The following TMPRSS6 variants were observed in gnomAD, a reference collection of about 807,000 sequenced individuals.
TMPRSS6 encodes transmembrane protease serine 6.
Under a neutral mutation model 101.5 loss-of-function variants are expected in TMPRSS6, and 67 were observed. That is an observed-to-expected ratio of 0.66 (90% CI 0.54 to 0.81). TMPRSS6 has a LOEUF of 0.81. Among genes scored for constraint, TMPRSS6 ranks in the 30% least tolerant of loss-of-function variants. The pLI is 0.00. For synonymous variants in TMPRSS6, 453 were observed against 464.9 expected, an observed-to-expected ratio of 0.97 and a Z score of 0.33; for missense variants, 1,034 against 1,088.7, an observed-to-expected ratio of 0.95 and a Z score of 0.71.
intron 10 of TMPRSS6, among the ~76,000 whole-genome samples, chr22:37,081,078 G>A (rs1326028674): frequency 1.3e-5 from 2 of 152,232 alleles, no homozygotes; most frequent in Non-Finnish European, 2.9e-5. Flanking sequence ...CTGTGTCTTG[G>A]GTGTCTCACT....
intron 10 of TMPRSS6, among the ~76,000 whole-genome samples, chr22:37,078,999 A>AAG (rs1369124148): frequency 6.7e-6 from 1 of 149,368 alleles, no homozygotes; most frequent in African/African-American, 2.5e-5. Flanking sequence ...GAAAGAAAGA[A>AAG]AGAAAGAAAG....
At position 37,069,459 on chromosome 22, in the gene TMPRSS6, C is replaced by T; in HGVS notation, c.1842-115G>A. On this transcript the variant is annotated intron_variant, in intron 15 of 17. Transcript: ENST00000676104. The surrounding 1 kb of genome is among the most constrained non-coding windows in gnomAD (Gnocchi z 4.8). ...TCCCCGCCCGGGACAGTGCCCTCCACACCCAGCCCTCCCTTCCCTCCCTGA... is the reference window on the plus strand; with the variant it reads ...TCCCCGCCCGGGACAGTGCCCTCCATACCCAGCCCTCCCTTCCCTCCCTGA... 9.7e-7 allele frequency: 1 copy of T among 1,032,180 alleles called. No homozygotes were observed. Among genetic ancestry groups the T allele is most frequent in the South Asian group, 1.6e-5 (1 of 64,442 alleles). 63.9% of individuals were successfully genotyped at this position (1,032,180 alleles called of 1,614,324 possible).
In TMPRSS6 at chr22:37,065,923, G is replaced by A. The variant is rs1186673626; in HGVS notation, c.*157C>T. 2 of 937,432 alleles carry A rather than the reference G, an allele frequency of 2.1e-6. No homozygotes were observed. The highest frequency in any genetic ancestry group is 1.6e-6 in the Non-Finnish European group (1 of 617,922). The allele number at this position is 937,432 out of a possible 1,614,324, so 58.1% of individuals were successfully genotyped here. A position where few individuals can be genotyped will look rare whatever the true frequency, so the allele number is the denominator to read the frequency against. ...CTTCTCCATCCTCCTGCCATCACTG[G>A]AGCAGACATCAGGGACGAGACAAGA... On this transcript the variant is annotated 3_prime_UTR_variant, in exon 18 of 18. Transcript: ENST00000676104.
intron 1 of TMPRSS6, among the ~76,000 whole-genome samples, chr22:37,104,331 C>T (rs1035122166): frequency 9.9e-5 from 15 of 152,166 alleles, no homozygotes; most frequent in Non-Finnish European, 1.8e-4. Flanking sequence ...AGAGGCTAAG[C>T]CGCTTGCCCA....
chr22:37,080,816 C>A (rs1386110043), intron 10 of TMPRSS6, among the ~76,000 whole-genome samples: 10 of 152,248 alleles, frequency 6.6e-5, no homozygotes, highest in Admixed American at 6.5e-4. Context: ...TCCCCCCACC[C>A]AGATGCCAGT....
rs371892689 is a variant in TMPRSS6 at position 37,072,412 on chromosome 22, GGAT to G, written c.1555+1117_1555+1119del. ...ATGGATCGATGGATGATGGATGGAT[GGAT>G]GATGGATTGATGGATTGATGGATGA... On this transcript the variant is annotated intron_variant, in intron 13 of 17. Coordinates refer to ENST00000676104, the MANE Select transcript of TMPRSS6 (RefSeq NM_001374504.1). 9.4e-5 allele frequency among the ~76,000 whole-genome samples: 14 copies of G among 148,574 alleles called. No homozygotes were observed. In the East Asian group the frequency reaches 2.5e-3, roughly 27 times the overall value.
chr22:37,099,877 G>GTAGGGCTTTCCAGGCCTGGGAGGAC (rs140612996), intron 2 of TMPRSS6, among the ~76,000 whole-genome samples: 26,155 of 151,828 alleles, frequency 0.17, 2,572 homozygotes, highest in Non-Finnish European at 0.22. Flanking sequence ...GAGAGGCTGG[G>GTAGGGCTTTCCAGGCCTGGGAGGAC]TAGGGCTTTC....
Position 37,084,610 on chromosome 22 carries a change from CT to C in TMPRSS6, c.1086+116del, listed in dbSNP as rs1928545877. The C allele has an allele frequency of 7.3e-6, 7 of 962,942 alleles. No homozygotes were observed. In the South Asian group the frequency reaches 7.4e-5, roughly 10 times the overall value. The allele number at this position is 962,942 out of a possible 1,614,324, so 59.6% of individuals were successfully genotyped here. ...ACCCTGGCAGGATGTGTACCCAGGG[CT>C]CAGCCTGTGGGCGCTTCAGCAGAGG... On this transcript the variant is annotated intron_variant, in intron 9 of 17. Transcript: ENST00000676104.
In TMPRSS6 at chr22:37,077,154, T is replaced by C. The variant is rs557928736; in HGVS notation, c.1197-1874A>G. On this transcript the variant is annotated intron_variant, in intron 10 of 17. Transcript: ENST00000676104. ...GCCTCATTGCACGGGGATTCTGAGG[T>C]TCAAGCAGCACCTCCACCCAGGGAG... 3.3e-5 allele frequency among the ~76,000 whole-genome samples: 5 copies of C among 152,034 alleles called. No homozygotes were observed. The South Asian group carries it at 8.3e-4, about 25-fold the overall frequency.
At position 37,066,121 on chromosome 22, in the gene TMPRSS6, T is replaced by C. The variant is rs1396866931; in HGVS notation, c.2368A>G (p.Ile790Val). Residue 790 changes from isoleucine to valine, a missense_variant, in exon 18 of 18, where the codon ATC becomes GTC. Transcript: ENST00000676104. The part of the protein sequence containing the change: ...RPNYFGVYTR[I>V]TGVISWIQQV... ...TGGATCCAGCTGATCACACCTGTGA[T>C]GCGGGTGTAGACGCCGAAGTAGTTA... 6.2e-7 allele frequency: 1 copy of C among 1,613,546 alleles called. No individual in the cohort carries two copies. The highest frequency in any genetic ancestry group is 1.7e-5 in the Admixed American group (1 of 60,028).
At chr22:37,099,848 G>A (rs940173172) in intron 2 of TMPRSS6, among the ~76,000 whole-genome samples, 1 of 128,526 alleles carries the variant, frequency 7.8e-6, no homozygotes, top group Non-Finnish European at 1.8e-5. Context: ...ACAGCAGGAG[G>A]GTATGAGATG....
chr22:37,084,427 C>G, intron 9 of TMPRSS6, 23 bp from the exon 10 acceptor site: 1 of 1,585,434 alleles, frequency 6.3e-7, no homozygotes, highest in Non-Finnish European at 8.6e-7. Flanking sequence ...AGCGGGCCAT[C>G]AGGTGGCCCA....
rs1022795202 is a variant in TMPRSS6 at position 37,100,873 on chromosome 22, G to A, written c.203-2324C>T. Among the ~76,000 whole-genome samples, 4 of 152,362 alleles carry A rather than the reference G, an allele frequency of 2.6e-5. No individual in the cohort carries two copies. The East Asian group carries it at 5.8e-4, about 22-fold the overall frequency. On this transcript the variant is annotated intron_variant, in intron 2 of 17. Coordinates refer to ENST00000676104, the MANE Select transcript of TMPRSS6 (RefSeq NM_001374504.1). ...ACACAGAAAAAGCAACCTGCTGAGCGGAAAGGACCCGGTGGCGGCCCAAAG... is the reference window on the plus strand; with the variant it reads ...ACACAGAAAAAGCAACCTGCTGAGCAGAAAGGACCCGGTGGCGGCCCAAAG...
In TMPRSS6 at chr22:37,096,719, TGA is replaced by T. The variant is rs1929797912; in HGVS notation, c.337-6_337-5del. 2.6e-6 allele frequency: 4 copies of T among 1,561,436 alleles called. No homozygotes were observed. The highest frequency in any genetic ancestry group is 1.7e-4 in the Middle Eastern group (1 of 6,018). Reference sequence around the variant, plus strand: ...TGCTGGTGATGAGCTCCTTGAGCTGTGAGAAGGGAAGACAACAGCCCCTGGGA... The same window carrying T: ...TGCTGGTGATGAGCTCCTTGAGCTGTGAAGGGAAGACAACAGCCCCTGGGA... On this transcript the variant is annotated splice_region_variant and splice_polypyrimidine_tract_variant and intron_variant, in intron 3 of 17. Transcript: ENST00000676104.
At chr22:37,102,374 A>T (rs1233913291) in intron 2 of TMPRSS6, among the ~76,000 whole-genome samples, 2 of 152,250 alleles carry the variant, frequency 1.3e-5, no homozygotes, top group African/African-American at 4.8e-5. Flanking sequence ...CACTGAGTAA[A>T]TGAACAAATG....
At chr22:37,073,076 T>C (rs1457050373) in intron 13 of TMPRSS6, among the ~76,000 whole-genome samples, 1 of 128,784 alleles carries the variant, frequency 7.8e-6, no homozygotes, top group Non-Finnish European at 1.6e-5. Context: ...GATGGATGGA[T>C]GGATGGATAG....
At chr22:37,070,873 TC>T in intron 14 of TMPRSS6, 42 bp downstream of exon 14, 1 of 1,580,020 alleles carries the variant, frequency 6.3e-7, no homozygotes, top group Non-Finnish European at 8.7e-7. Context: ...GGGCACCCCC[TC>T]CCTCCCAAGC....
intron 17 of TMPRSS6, 138 bp downstream of exon 17, chr22:37,066,687 TA>T: frequency 8.7e-7 from 1 of 1,154,778 alleles, no homozygotes; most frequent in Non-Finnish European, 1.3e-6. Flanking sequence ...TCCTCTTCTG[TA>T]AAGTAGGGGT....
rs1927812641 is a variant in TMPRSS6, at chr22:37,077,910, G to A, written c.1197-2630C>T. ...CTGGGTCCTGAGGCAGAACAGGTTG[G>A]GAGCCGCCACCCCCGACCATGGTTC... On this transcript the variant is annotated intron_variant, in intron 10 of 17. Coordinates refer to ENST00000676104, the MANE Select transcript of TMPRSS6 (RefSeq NM_001374504.1). Among the ~76,000 whole-genome samples the A allele has an allele frequency of 2.6e-5, 4 of 152,348 alleles. No homozygotes were observed. In the South Asian group the frequency reaches 8.3e-4, roughly 32 times the overall value.
Sources: gnomAD v4.1 joint callset for allele counts (sites outside exome capture counted in the v4.1 genomes callset) on GRCh38, gnomAD v4.1.1 for gene constraint, Gnocchi (gnomAD v3.1) non-coding constraint, MANE v1.5 for transcripts, NCBI Gene and HGNC (gene_info 2026-07-23, HGNC 2026-07-21) for gene names.